ATP2C2: variants seen among roughly 807,000 people sequenced by gnomAD.
The protein encoded by ATP2C2 is ATPase secretory pathway Ca2+ transporting 2.
ATP2C2 carries 171 observed loss-of-function variants against 110.8 expected under a neutral mutation model. The ratio of observed to expected loss-of-function variants is 1.54; its 90% CI spans 1.36 to 1.75. The LOEUF (loss-of-function observed/expected upper bound fraction) is 1.75. Ranked by LOEUF, ATP2C2 falls within the 40% of genes most tolerant of loss-of-function variation. The probability of loss-of-function intolerance (pLI) is 0.00; values close to 1 mark genes in which losing one functional copy is unlikely to be tolerated. For missense variants in ATP2C2, 1,963 were observed against 1,235.0 expected (o/e 1.59, Z -8.84); for synonymous variants, 804 against 508.4 (o/e 1.58, Z -7.82).
At chr16:84,462,546 G>C (rs931051313) in intron 26 of ATP2C2, 1 of 164,556 alleles carries the variant, frequency 6.1e-6, no homozygotes, top group African/African-American at 2.4e-5. Flanking sequence ...AGGGAGCTGG[G>C]CTGTCTTCCA....
chr16:84,420,025 A>G (rs995762543), intron 7 of ATP2C2, among the ~76,000 whole-genome samples: 7 of 152,158 alleles, frequency 4.6e-5, no homozygotes. Flanking sequence ...AAAAAGCCTG[A>G]TAAGTTTTCG....
chr16:84,409,942 GCTCATGC>G (rs1381745592), intron 4 of ATP2C2, among the ~76,000 whole-genome samples: 10 of 152,184 alleles, frequency 6.6e-5, no homozygotes, highest in Admixed American at 1.3e-4. Context: ...GGGTGCGGTG[GCTCATGC>G]CTGTAATCCC....
chr16:84,402,466 A>C (rs1169064438), intron 2 of ATP2C2, among the ~76,000 whole-genome samples: 1 of 152,166 alleles, frequency 6.6e-6, no homozygotes, highest in Non-Finnish European at 1.5e-5. Flanking sequence ...TATTACATTG[A>C]GACATGTTCC....
At chr16:84,416,513 A>G (rs1390802266) in intron 7 of ATP2C2, among the ~76,000 whole-genome samples, 1 of 152,140 alleles carries the variant, frequency 6.6e-6, no homozygotes, top group African/African-American at 2.4e-5. Context: ...GAAGAGCACA[A>G]AGGGTTGGAA....
At chr16:84,387,385 G>A (rs1395789183) in intron 1 of ATP2C2, among the ~76,000 whole-genome samples, 1 of 152,158 alleles carries the variant, frequency 6.6e-6, no homozygotes. Flanking sequence ...GATGGCAGGT[G>A]CCTGTAATCC....
In ATP2C2 at chr16:84,452,070, C is replaced by G. The variant is rs200634255; in HGVS notation, c.1810C>G (p.Leu604Val). Residue 604 changes from leucine to valine, a missense_variant, in exon 18 of 27, where the codon CTG becomes GTG. Transcript: ENST00000262429. ...VSVKMITGDA[L>V]ETALAIGRNI... ...TGTGAAGATGATAACGGGGGATGCC[C>G]TGGAGACGGCCTTGGCCATAGGTAA... The G allele has an allele frequency of 6.2e-5, 100 of 1,613,838 alleles. No individual in the cohort carries two copies. The highest frequency in any genetic ancestry group is 8.0e-5 in the Non-Finnish European group (94 of 1,180,008).
At chr16:84,418,192 G>C (rs897854086) in intron 7 of ATP2C2, among the ~76,000 whole-genome samples, 4 of 152,182 alleles carry the variant, frequency 2.6e-5, no homozygotes, top group African/African-American at 9.7e-5. Flanking sequence ...GGGGCACCGG[G>C]TGGGCATGAG....
intron 10 of ATP2C2, 58 bp from the exon 11 acceptor site, chr16:84,425,677 C>T (rs886503502): frequency 3.8e-6 from 6 of 1,572,870 alleles, no homozygotes; most frequent in Non-Finnish European, 5.3e-6. Context: ...TTGAATCCCT[C>T]CAGGCATCAG....
intron 14 of ATP2C2, among the ~76,000 whole-genome samples, chr16:84,441,965 T>A (rs1909300601): frequency 1.2e-5 from 1 of 83,872 alleles, no homozygotes; most frequent in African/African-American, 5.4e-5. Flanking sequence ...AAACTAGTAA[T>A]AATAAAAAAG....
At chr16:84,434,059 C>T (rs1408730444) in intron 11 of ATP2C2, among the ~76,000 whole-genome samples, 4 of 152,124 alleles carry the variant, frequency 2.6e-5, no homozygotes, top group Admixed American at 6.5e-5. Flanking sequence ...GCTTAGCCAG[C>T]GGAGATTTTC....
intron 3 of ATP2C2, among the ~76,000 whole-genome samples, chr16:84,406,212 C>T (rs1337255553): frequency 6.6e-6 from 1 of 152,172 alleles, no homozygotes; most frequent in African/African-American, 2.4e-5. Flanking sequence ...AATCAAATGC[C>T]TGGAAGCCAC....
chr16:84,449,089 C>T (rs1249519500), intron 17 of ATP2C2, among the ~76,000 whole-genome samples: 2 of 146,284 alleles, frequency 1.4e-5, no homozygotes, highest in African/African-American at 5.2e-5. Flanking sequence ...AGAGCCAGTG[C>T]CATCCCTGAT....
chr16:84,406,518 C>A, intron 3 of ATP2C2: 1 of 894,780 alleles, frequency 1.1e-6, no homozygotes, highest in Non-Finnish European at 1.3e-6. Context: ...GATTCCGGAA[C>A]CAATCACAGT....
rs755829920 is a variant in ATP2C2 at position 84,439,542 on chromosome 16, T to C, written c.1209+18T>C. 6 of 1,611,414 alleles carry C rather than the reference T, an allele frequency of 3.7e-6. No individual in the cohort carries two copies. In the South Asian group the frequency reaches 6.6e-5, roughly 18 times the overall value. Reference sequence around the variant, plus strand: ...GTGCCGAGGTGAGTGCCAAAGGAATTTACAAGCCTTAAGGATGCACCCAGC... The same window carrying C: ...GTGCCGAGGTGAGTGCCAAAGGAATCTACAAGCCTTAAGGATGCACCCAGC... On this transcript the variant is annotated intron_variant, in intron 13 of 26. Coordinates refer to ENST00000262429, the MANE Select transcript of ATP2C2 (RefSeq NM_014861.4).
intron 21 of ATP2C2, 25 bp downstream of exon 21, chr16:84,455,009 T>C (rs748541719): frequency 1.3e-6 from 2 of 1,595,794 alleles, no homozygotes; most frequent in Non-Finnish European, 1.7e-6. Context: ...TGGTTGTTTT[T>C]CAGTTGCAAA....
chr16:84,410,828 G>C, intron 6 of ATP2C2, 63 bp downstream of exon 6: 1 of 1,515,690 alleles, frequency 6.6e-7, no homozygotes, highest in Non-Finnish European at 9.2e-7. Context: ...TGGAGAGTTT[G>C]GCAAATGTTT....
chr16:84,408,087 G>A (rs1311568380), intron 3 of ATP2C2, among the ~76,000 whole-genome samples: 3 of 152,226 alleles, frequency 2.0e-5, no homozygotes, highest in Non-Finnish European at 4.4e-5. Context: ...CCTGAGCCAG[G>A]ACTGGCATCT....
rs1911631013 is a variant in ATP2C2 at position 84,463,699 on chromosome 16, C to G, written c.2808C>G (p.Pro936=). 1.2e-6 allele frequency: 2 copies of G among 1,614,128 alleles called. No homozygotes were observed. Among genetic ancestry groups the G allele is most frequent in the East Asian group, 2.2e-5 (1 of 44,878 alleles). Residue 936 remains proline, a synonymous_variant, in exon 27 of 27, where the codon CCC becomes CCG. Coordinates refer to ENST00000262429, the MANE Select transcript of ATP2C2 (RefSeq NM_014861.4). ...TATGTGAAAAATACTGTTGCAGCCCCAAGAGAGTCCAGATGCACCCTGAAG... is the reference window on the plus strand; with the variant it reads ...TATGTGAAAAATACTGTTGCAGCCCGAAGAGAGTCCAGATGCACCCTGAAG... The part of the protein sequence containing the change: ...LKLCEKYCCS[P]KRVQMHPEDV
At chr16:84,425,343 A>T (rs546922696) in intron 10 of ATP2C2, among the ~76,000 whole-genome samples, 1 of 152,338 alleles carries the variant, frequency 6.6e-6, no homozygotes, top group African/African-American at 2.4e-5. Flanking sequence ...AGAGTAAAAT[A>T]ATTTGAAAAA....
Sources: allele counts gnomAD v4.1 joint callset (sites outside exome capture counted in the v4.1 genomes callset), GRCh38; gene constraint gnomAD v4.1.1; transcripts MANE v1.5; gene names NCBI Gene and HGNC (gene_info 2026-07-23, HGNC 2026-07-21).